The following GPC5 variants were observed in gnomAD, a reference collection of about 807,000 sequenced individuals.
The protein encoded by GPC5 is glypican 5.
In GPC5, 47 loss-of-function variants were observed where a neutral mutation model predicts 53.9. The ratio of observed to expected loss-of-function variants is 0.87; its 90% CI spans 0.69 to 1.11. The LOEUF (loss-of-function observed/expected upper bound fraction) is 1.11, where lower values mean the gene tolerates loss of function less well. GPC5 is among the 50% of genes most tolerant of loss of function. The pLI, the probability that GPC5 is intolerant of heterozygous loss-of-function variation, is 0.00. For missense variants in GPC5, 748 were observed against 713.1 expected (o/e 1.05, Z -0.56); for synonymous variants, 286 against 263.3 (o/e 1.09, Z -0.84).
chr13:92,220,031 T>C (rs2042437550), intron 7 of GPC5, among the ~76,000 whole-genome samples: 1 of 152,228 alleles, frequency 6.6e-6, no homozygotes, highest in Non-Finnish European at 1.5e-5. Context: ...GCCAAGAACC[T>C]GGACAGCCTC....
At chr13:91,897,805 T>C (rs1181954960) in intron 5 of GPC5, among the ~76,000 whole-genome samples, 1 of 152,182 alleles carries the variant, frequency 6.6e-6, no homozygotes, top group East Asian at 1.9e-4. Flanking sequence ...CATTGGTGTT[T>C]ATCTGCTGGT....
At chr13:92,756,151 C>A (rs1429491192) in intron 7 of GPC5, among the ~76,000 whole-genome samples, 1 of 151,792 alleles carries the variant, frequency 6.6e-6, no homozygotes, top group African/African-American at 2.4e-5. Flanking sequence ...TGGGCTTCAT[C>A]CCTGGGATGC....
chr13:92,714,090 G>A (rs1888246133), intron 7 of GPC5, among the ~76,000 whole-genome samples: 1 of 152,144 alleles, frequency 6.6e-6, no homozygotes, highest in Non-Finnish European at 1.5e-5. Flanking sequence ...GTAATACCTA[G>A]AAAGGTGATT....
At chr13:92,537,566 TATC>T (rs1339027863) in intron 7 of GPC5, among the ~76,000 whole-genome samples, 1 of 152,152 alleles carries the variant, frequency 6.6e-6, no homozygotes, top group East Asian at 1.9e-4. Context: ...AAGTAGTGTT[TATC>T]ATCATCTCCC....
intron 1 of GPC5, among the ~76,000 whole-genome samples, chr13:91,416,869 G>T (rs1435783450): frequency 2.6e-5 from 4 of 152,108 alleles, no homozygotes; most frequent in Non-Finnish European, 2.9e-5. Flanking sequence ...CATTTGGGTT[G>T]GTTCCAAGTC....
At chr13:92,138,970 T>C in intron 6 of GPC5, among the ~76,000 whole-genome samples, 1 of 152,216 alleles carries the variant, frequency 6.6e-6, no homozygotes. Flanking sequence ...AATATTCCTA[T>C]ATTCCAGATT....
chr13:91,693,163 G>C (rs2139807360), intron 2 of GPC5, 24 bp from the exon 3 acceptor site: 2 of 1,557,916 alleles, frequency 1.3e-6, no homozygotes, highest in Non-Finnish European at 1.8e-6. Context: ...ACCTTCTCAT[G>C]TTTTACCTCT....
chr13:92,369,207 G>A (rs187113733), intron 7 of GPC5, among the ~76,000 whole-genome samples: 41 of 152,254 alleles, frequency 2.7e-4, no homozygotes, highest in South Asian at 1.5e-3. Context: ...TTTTTGAGAC[G>A]GAGTCTTTCT....
chr13:92,786,614 T>A (rs572682830), intron 7 of GPC5, among the ~76,000 whole-genome samples: 1 of 152,260 alleles, frequency 6.6e-6, no homozygotes, highest in African/African-American at 2.4e-5. Context: ...AAATAGTACA[T>A]TGAGGTCATG....
chr13:91,716,303 A>G (rs2036337742), intron 3 of GPC5, among the ~76,000 whole-genome samples: 2 of 152,160 alleles, frequency 1.3e-5, no homozygotes, highest in African/African-American at 4.8e-5. Flanking sequence ...GAAAGTATAC[A>G]CTTACAAACA....
At chr13:92,361,736 T>C (rs1417821626) in intron 7 of GPC5, among the ~76,000 whole-genome samples, 1 of 151,650 alleles carries the variant, frequency 6.6e-6, no homozygotes, top group African/African-American at 2.4e-5. Flanking sequence ...GTGCTGATAA[T>C]TTATCAATAA....
intron 7 of GPC5, among the ~76,000 whole-genome samples, chr13:92,617,393 C>T (rs535959793): frequency 6.6e-6 from 1 of 152,300 alleles, no homozygotes; most frequent in Admixed American, 6.5e-5. Flanking sequence ...AAAACACCCA[C>T]ATTTTACTAT....
rs200370425 is a variant in GPC5 at position 92,737,748 on chromosome 13, CT to C, written c.1562-128523del. ...AAATGGAAAATGACATATTTTCTTT[CT>C]TTTTTTTTTTCTTTTTCTTTTTTTT... On this transcript the variant is annotated intron_variant, in intron 7 of 7. Transcript: ENST00000377067. Among the ~76,000 whole-genome samples the C allele has an allele frequency of 3.9e-3, 419 of 108,130 alleles. 1 individual carries two copies. The highest frequency in any genetic ancestry group is 0.011 in the African/African-American group (333 of 29,954). 70.9% of individuals were successfully genotyped at this position (108,130 alleles called of 152,430 possible). A position where few individuals can be genotyped will look rare whatever the true frequency, so the allele number is the denominator to read the frequency against.
chr13:91,738,406 T>C (rs1170511598), intron 4 of GPC5, among the ~76,000 whole-genome samples: 2 of 151,328 alleles, frequency 1.3e-5, no homozygotes, highest in Non-Finnish European at 2.9e-5. Context: ...GACTTATAAC[T>C]AATTTAACTA....
intron 7 of GPC5, among the ~76,000 whole-genome samples, chr13:92,615,820 C>T (rs1350221506): frequency 1.3e-5 from 2 of 151,944 alleles, no homozygotes; most frequent in East Asian, 3.9e-4. Context: ...TTTGGGAGGC[C>T]GAGGCGGGTG....
chr13:92,141,768 G>A (rs1489552698), intron 6 of GPC5, among the ~76,000 whole-genome samples: 1 of 152,096 alleles, frequency 6.6e-6, no homozygotes, highest in African/African-American at 2.4e-5. Context: ...ACTCAGTTTG[G>A]GAGCTGAGGG....
intron 7 of GPC5, among the ~76,000 whole-genome samples, chr13:92,341,522 C>T (rs1415570432): frequency 6.6e-6 from 1 of 151,774 alleles, no homozygotes; most frequent in East Asian, 1.9e-4. Context: ...GTTTTAGAAA[C>T]TTGTTTTACA....
At chr13:91,877,804 G>C (rs573457651) in intron 5 of GPC5, among the ~76,000 whole-genome samples, 3 of 152,162 alleles carry the variant, frequency 2.0e-5, no homozygotes, top group Non-Finnish European at 4.4e-5. Flanking sequence ...TGGTTTGGCT[G>C]TGTCCCTACC....
At chr13:92,149,869 C>A (rs1030138585) in intron 7 of GPC5, among the ~76,000 whole-genome samples, 2 of 151,768 alleles carry the variant, frequency 1.3e-5, no homozygotes, top group African/African-American at 2.4e-5. Context: ...GTTATGTAGT[C>A]TCATTGATTT....
Sources: gnomAD v4.1 joint callset for allele counts (sites outside exome capture counted in the v4.1 genomes callset) on GRCh38, gnomAD v4.1.1 for gene constraint, MANE v1.5 for transcripts, NCBI Gene and HGNC (gene_info 2026-07-23, HGNC 2026-07-21) for gene names.